The following UHRF2 variants were observed in gnomAD, a reference collection of about 807,000 sequenced individuals.
The protein encoded by UHRF2 is E3 ubiquitin-protein ligase UHRF2.
UHRF2 carries 23 observed loss-of-function variants against 96.8 expected under a neutral mutation model. That is an observed-to-expected ratio of 0.24 (90% CI 0.17 to 0.34). UHRF2 has a LOEUF of 0.34. Ranked by LOEUF, UHRF2 falls within the 10% of genes least tolerant of loss-of-function variation. The pLI is 1.00. For synonymous variants in UHRF2, 385 were observed against 332.6 expected (o/e 1.16, Z -1.72); for missense variants, 685 against 981.5 (o/e 0.70, Z 4.04).
rs60522189 is a variant in UHRF2 at position 6,416,535 on chromosome 9, C to CTTTTTT, written c.153+2912_153+2917dup. Among the ~76,000 whole-genome samples the CTTTTTT allele has an allele frequency of 2.6e-4, 17 of 64,966 alleles. 1 individual carries two copies. The highest frequency in any genetic ancestry group is 5.5e-4 in the East Asian group (1 of 1,834). The allele number at this position is 64,966 out of a possible 152,430, so 42.6% of individuals were successfully genotyped here. A position where few individuals can be genotyped will look rare whatever the true frequency, so the allele number is the denominator to read the frequency against. On this transcript the variant is annotated intron_variant, in intron 1 of 15. Coordinates refer to ENST00000276893, the MANE Select transcript of UHRF2 (RefSeq NM_152896.3). ...AGATTATGTTGGTGGATCTCTAAAT[C>CTTTTTT]TTTTTTTTTTTTTTTTTTTTTTTTT... is the stretch of plus-strand genomic sequence containing the variant.
At chr9:6,459,282 G>A (rs1396422733) in intron 3 of UHRF2, among the ~76,000 whole-genome samples, 1 of 152,172 alleles carries the variant, frequency 6.6e-6, no homozygotes, top group African/African-American at 2.4e-5. Flanking sequence ...ATCGGAATAT[G>A]CCAGGTTCAT....
chr9:6,483,324 CA>C (rs34497002), intron 8 of UHRF2, among the ~76,000 whole-genome samples: 808 of 59,540 alleles, frequency 0.014, 1 homozygote, highest in African/African-American at 0.022. Context: ...GACTCTGTCT[CA>C]AAAAAAAAAA....
chr9:6,449,573 A>T (rs1821727851), intron 3 of UHRF2: 1 of 152,270 alleles, frequency 6.6e-6, no homozygotes. Context: ...GAAAAGAGTT[A>T]ACATCAGATC....
chr9:6,433,339 G>C (rs1820659928), intron 2 of UHRF2, among the ~76,000 whole-genome samples: 1 of 152,092 alleles, frequency 6.6e-6, no homozygotes, highest in South Asian at 2.1e-4. Context: ...TTTGTTCTTT[G>C]AGGTGGTAGA....
At chr9:6,489,246 A>C (rs1266698100) in intron 9 of UHRF2, among the ~76,000 whole-genome samples, 1 of 152,076 alleles carries the variant, frequency 6.6e-6, no homozygotes, top group South Asian at 2.1e-4. Flanking sequence ...TCAATAGTTC[A>C]TTTCTTTTTA....
rs369570622 is a variant in UHRF2, at chr9:6,424,938, A to G, written c.384+3796A>G. On this transcript the variant is annotated intron_variant, in intron 2 of 15. Coordinates refer to ENST00000276893, the MANE Select transcript of UHRF2 (RefSeq NM_152896.3). ...TATTTTCATCACGTATATAGGGCAC[A>G]TACTATCAGTATTCTATTTGCTAAG... 2.6e-5 allele frequency among the ~76,000 whole-genome samples: 4 copies of G among 152,182 alleles called. No individual in the cohort carries two copies. The East Asian group carries it at 7.7e-4, about 29-fold the overall frequency.
intron 6 of UHRF2, among the ~76,000 whole-genome samples, chr9:6,479,004 C>G (rs1366648276): frequency 6.6e-6 from 1 of 152,170 alleles, no homozygotes; most frequent in Non-Finnish European, 1.5e-5. Context: ...GTTCCATAGT[C>G]TTTCCAGAAA....
rs756763305 is a variant in UHRF2 at position 6,481,949 on chromosome 9, T to C, written c.1285-43T>C. The C allele has an allele frequency of 6.3e-6, 10 of 1,598,806 alleles. No individual in the cohort carries two copies. In the East Asian group the frequency reaches 2.2e-4, roughly 36 times the overall value. On this transcript the variant is annotated intron_variant, in intron 7 of 15. Transcript: ENST00000276893. ...TCAGAATTAAGGGCTTTCATTAAAA[T>C]TTAACATAACTGATTTCTCAACGTT... is the stretch of plus-strand genomic sequence containing the variant.
At chr9:6,483,426 T>G (rs1293028587) in intron 8 of UHRF2, among the ~76,000 whole-genome samples, 9 of 151,972 alleles carry the variant, frequency 5.9e-5, no homozygotes, top group Non-Finnish European at 1.3e-4. Context: ...CTAGATTACC[T>G]ATAATACCTA....
intron 8 of UHRF2, among the ~76,000 whole-genome samples, chr9:6,484,337 A>G (rs1007917961): frequency 6.6e-6 from 1 of 151,628 alleles, no homozygotes; most frequent in South Asian, 2.1e-4. Context: ...TGGCCTCCCA[A>G]AGCACTGGGA....
At position 6,467,189 on chromosome 9, in the gene UHRF2, C is replaced by G. The variant is rs547884462; in HGVS notation, c.863+6398C>G. ...CTCTAAGGGAGAACCCATTTTCTTG[C>G]CTTTACCATGTTTCAGACGCCTCCC... On this transcript the variant is annotated intron_variant, in intron 4 of 15. Transcript: ENST00000276893. Among the ~76,000 whole-genome samples the G allele has an allele frequency of 2.2e-4, 34 of 152,246 alleles. No homozygotes were observed. The South Asian group carries it at 3.1e-3, about 14-fold the overall frequency.
At chr9:6,457,944 A>G (rs924455172) in intron 3 of UHRF2, among the ~76,000 whole-genome samples, 1 of 152,156 alleles carries the variant, frequency 6.6e-6, no homozygotes, top group Non-Finnish European at 1.5e-5. Context: ...ATCAATGTTC[A>G]TAGGGATATT....
At chr9:6,446,998 C>T (rs906158422) in intron 3 of UHRF2, among the ~76,000 whole-genome samples, 1 of 152,144 alleles carries the variant, frequency 6.6e-6, no homozygotes, top group South Asian at 2.1e-4. Context: ...ACGCCATTCT[C>T]TTGCCTCAGC....
At chr9:6,445,466 G>A (rs1821433047) in intron 3 of UHRF2, among the ~76,000 whole-genome samples, 1 of 152,102 alleles carries the variant, frequency 6.6e-6, no homozygotes, top group Admixed American at 6.5e-5. Context: ...TCACCATGTT[G>A]GCCAGGCTGG....
intron 9 of UHRF2, among the ~76,000 whole-genome samples, chr9:6,493,235 C>CT (rs1824771235): frequency 6.6e-6 from 1 of 151,842 alleles, no homozygotes; most frequent in South Asian, 2.1e-4. Flanking sequence ...GAGGCAGAGG[C>CT]TACAGCGAGC....
chr9:6,453,596 C>T (rs943577709), intron 3 of UHRF2, among the ~76,000 whole-genome samples: 1 of 152,274 alleles, frequency 6.6e-6, no homozygotes, highest in African/African-American at 2.4e-5. Flanking sequence ...TGTGAAACAA[C>T]ACGAGTGTAT....
At chr9:6,476,029 C>G (rs1823549615) in intron 5 of UHRF2, among the ~76,000 whole-genome samples, 1 of 152,162 alleles carries the variant, frequency 6.6e-6, no homozygotes, top group African/African-American at 2.4e-5. Flanking sequence ...TCTTTATCCC[C>G]TGTCCCACTT....
At chr9:6,489,956 C>T (rs956334154) in intron 9 of UHRF2, among the ~76,000 whole-genome samples, 1 of 152,158 alleles carries the variant, frequency 6.6e-6, no homozygotes, top group African/African-American at 2.4e-5. Flanking sequence ...TATTTAGGTT[C>T]ATCCTTTGCA....
intron 3 of UHRF2, among the ~76,000 whole-genome samples, chr9:6,442,588 C>T (rs966154683): frequency 6.6e-6 from 1 of 152,032 alleles, no homozygotes; most frequent in Non-Finnish European, 1.5e-5. Flanking sequence ...AAGTGATCCT[C>T]CTGCCTCCGC....
Sources: allele counts gnomAD v4.1 joint callset (sites outside exome capture counted in the v4.1 genomes callset), GRCh38; gene constraint gnomAD v4.1.1; transcripts MANE v1.5; gene names NCBI Gene and HGNC (gene_info 2026-07-23, HGNC 2026-07-21).